LRRC37A2: variants seen among roughly 807,000 people sequenced by gnomAD.
LRRC37A2 encodes the protein leucine rich repeat containing 37 member A2, also known as leucine-rich repeat-containing protein 37A2.
Under a neutral mutation model 68.8 loss-of-function variants are expected in LRRC37A2, and 9 were observed. That is an observed-to-expected ratio of 0.13 (90% CI 0.08 to 0.23). The LOEUF is 0.23. LRRC37A2 is among the 10% of genes least tolerant of loss of function. The pLI is 1.00. For missense variants in LRRC37A2, 168 were observed against 950.4 expected (o/e 0.18, Z 10.82); for synonymous variants, 63 against 367.6 (o/e 0.17, Z 9.48).
chr17:46,780,522 C>T, the LRRC37A2 span, among the ~76,000 whole-genome samples: 2 of 152,286 alleles, frequency 1.3e-5, no homozygotes, highest in Middle Eastern at 3.4e-3. Flanking sequence ...GGTGCGGTGG[C>T]TCACGCTTGT....
At chr17:46,979,136 G>A in the LRRC37A2 span, 125 of 1,036,674 alleles carry the variant, frequency 1.2e-4, no homozygotes, top group Non-Finnish European at 1.5e-4. Flanking sequence ...GGACGAAGGC[G>A]GGAGGCTGGC....
At chr17:46,930,848 AT>A in the LRRC37A2 span, 2 of 444,742 alleles carry the variant, frequency 4.5e-6, no homozygotes, top group Non-Finnish European at 8.1e-6. Context: ...ATTTCTACAG[AT>A]TTACCTTCAG....
At chr17:46,931,599 T>C in the LRRC37A2 span, 1 of 303,412 alleles carries the variant, frequency 3.3e-6, no homozygotes, top group Non-Finnish European at 6.2e-6. Context: ...CATAATGAAA[T>C]GCTGATCTAA....
At chr17:46,744,458 C>T in the LRRC37A2 span, among the ~76,000 whole-genome samples, 5 of 152,210 alleles carry the variant, frequency 3.3e-5, no homozygotes, top group Non-Finnish European at 5.9e-5. Context: ...CAATTGTTCA[C>T]AGTTAATTCT....
At chr17:46,694,287 T>C in the LRRC37A2 span, among the ~76,000 whole-genome samples, 1 of 138,658 alleles carries the variant, frequency 7.2e-6, no homozygotes, top group Non-Finnish European at 1.5e-5. Context: ...CTCGGAAGGC[T>C]GAGATAGGAG....
At chr17:46,940,571 C>T in the LRRC37A2 span, 1 of 1,614,156 alleles carries the variant, frequency 6.2e-7, no homozygotes, top group Non-Finnish European at 8.5e-7. Flanking sequence ...AAGGATCCTG[C>T]CAGACAGCAC....
chr17:46,940,397 C>A, the LRRC37A2 span: 1 of 1,561,694 alleles, frequency 6.4e-7, no homozygotes, highest in Non-Finnish European at 8.6e-7. Context: ...TGGGGGGTTG[C>A]AGCATCTTTA....
At chr17:46,796,278 C>T in the LRRC37A2 span, among the ~76,000 whole-genome samples, 1 of 152,240 alleles carries the variant, frequency 6.6e-6, no homozygotes, top group Non-Finnish European at 1.5e-5. Context: ...ATAGTAGGTG[C>T]ACAATAAATG....
intron 11 of LRRC37A2, 86 bp downstream of exon 10, chr17:46,550,605 C>T (rs2056680596): frequency 1.9e-6 from 1 of 533,158 alleles, no homozygotes; most frequent in Non-Finnish European, 3.5e-6. Flanking sequence ...ACCAAAGCCA[C>T]TTTCCCACCT....
chr17:46,813,720 T>TC, the LRRC37A2 span, among the ~76,000 whole-genome samples: 1 of 152,162 alleles, frequency 6.6e-6, no homozygotes, highest in Non-Finnish European at 1.5e-5. Flanking sequence ...TCCTGTGCCA[T>TC]CCCCTGGCTC....
At chr17:46,818,603 G>C in the LRRC37A2 span, 1 of 1,591,168 alleles carries the variant, frequency 6.3e-7, no homozygotes. Context: ...TCCATTAGAA[G>C]AGGCGCCGAG....
chr17:46,957,456 T>A, the LRRC37A2 span, among the ~76,000 whole-genome samples: 1 of 151,686 alleles, frequency 6.6e-6, no homozygotes, highest in African/African-American at 2.4e-5. Context: ...CTACTAAAAA[T>A]ACAAAAACTA....
the LRRC37A2 span, among the ~76,000 whole-genome samples, chr17:46,723,381 A>G: frequency 1.3e-5 from 2 of 152,214 alleles, no homozygotes; most frequent in African/African-American, 4.8e-5. Context: ...TTTATAAGAT[A>G]CCACATTGGC....
chr17:46,548,497 C>G, exon 10 of LRRC37A2: 1 of 1,261,380 alleles, frequency 7.9e-7, no homozygotes, highest in Non-Finnish European at 1.1e-6. Flanking sequence ...TATCAGTACA[C>G]TAAGTTACAT....
the LRRC37A2 span, chr17:46,939,034 A>G: frequency 8.0e-7 from 1 of 1,255,152 alleles, no homozygotes; most frequent in Non-Finnish European, 1.0e-6. Context: ...GGGGAGGGAA[A>G]GAATGGCTTT....
the LRRC37A2 span, chr17:47,017,071 C>T: frequency 3.2e-5 from 44 of 1,394,382 alleles, 1 homozygote; most frequent in South Asian, 4.0e-4. Context: ...CGTGCTTGGG[C>T]GGGATTGTGA....
the LRRC37A2 span, chr17:46,978,895 C>T: frequency 6.7e-7 from 1 of 1,502,708 alleles, no homozygotes; most frequent in Non-Finnish European, 8.8e-7. Flanking sequence ...CCCTGGACAG[C>T]AGCCCAGCCA....
chr17:46,575,035 G>A, the LRRC37A2 span, among the ~76,000 whole-genome samples: 10 of 79,608 alleles, frequency 1.3e-4, no homozygotes, highest in African/African-American at 3.9e-4. Context: ...GGCGGAGGTT[G>A]TAGTGAGCCG....
At chr17:46,985,161 G>A in the LRRC37A2 span, among the ~76,000 whole-genome samples, 1 of 152,226 alleles carries the variant, frequency 6.6e-6, no homozygotes, top group Non-Finnish European at 1.5e-5. Context: ...GCCCTGTTCA[G>A]CCTTTGACCC....
Sources: allele counts gnomAD v4.1 joint callset (sites outside exome capture counted in the v4.1 genomes callset), GRCh38; gene constraint gnomAD v4.1.1; transcripts MANE v1.5; gene names NCBI Gene and HGNC (gene_info 2026-07-23, HGNC 2026-07-21).